The following PRKG1 variants were observed in gnomAD, a reference collection of about 807,000 sequenced individuals.
PRKG1 encodes cGMP-dependent protein kinase 1.
Under a neutral mutation model 88.1 loss-of-function variants are expected in PRKG1, and 35 were observed. The ratio of observed to expected loss-of-function variants is 0.40; its 90% CI spans 0.30 to 0.53. PRKG1 has a LOEUF of 0.53. PRKG1 is among the 20% of genes least tolerant of loss of function. The pLI, the probability that PRKG1 is intolerant of heterozygous loss-of-function variation, is 0.59. For missense variants in PRKG1, 540 were observed against 839.8 expected (o/e 0.64, Z 4.41); for synonymous variants, 303 against 292.5 (o/e 1.04, Z -0.37).
intron 3 of PRKG1, among the ~76,000 whole-genome samples, chr10:51,750,656 C>G (rs1314780753): frequency 3.3e-5 from 5 of 152,118 alleles, no homozygotes; most frequent in Admixed American, 6.5e-5. Flanking sequence ...GTCAAAGGAC[C>G]AGGAAGAAAG....
At chr10:51,209,394 A>G (rs577577612) in intron 2 of PRKG1, among the ~76,000 whole-genome samples, 1 of 152,142 alleles carries the variant, frequency 6.6e-6, no homozygotes, top group African/African-American at 2.4e-5. Flanking sequence ...ATTTGGAATA[A>G]AACATCATGA....
intron 2 of PRKG1, among the ~76,000 whole-genome samples, chr10:51,281,945 A>AT (rs759403174): frequency 6.6e-6 from 1 of 152,130 alleles, no homozygotes; most frequent in Non-Finnish European, 1.5e-5. Flanking sequence ...TGAAATCAGC[A>AT]TTTTTCATAG....
chr10:51,612,599 A>G (rs1001371374), intron 3 of PRKG1, among the ~76,000 whole-genome samples: 1 of 151,962 alleles, frequency 6.6e-6, no homozygotes, highest in African/African-American at 2.4e-5. Flanking sequence ...CTCCTTTCCA[A>G]TGTGAATGCC....
At chr10:51,832,922 T>A (rs1421041738) in intron 4 of PRKG1, among the ~76,000 whole-genome samples, 1 of 152,160 alleles carries the variant, frequency 6.6e-6, no homozygotes, top group African/African-American at 2.4e-5. Context: ...GCTCTAGTTA[T>A]GGAAACTTTT....
At chr10:51,711,495 CCTT>C (rs1241619386) in intron 3 of PRKG1, among the ~76,000 whole-genome samples, 1 of 152,092 alleles carries the variant, frequency 6.6e-6, no homozygotes, top group Non-Finnish European at 1.5e-5. Flanking sequence ...TTTCTGACCT[CCTT>C]CTTTTACTGA....
At chr10:51,152,776 T>C (rs931667679) in intron 1 of PRKG1, among the ~76,000 whole-genome samples, 1 of 151,992 alleles carries the variant, frequency 6.6e-6, no homozygotes, top group Non-Finnish European at 1.5e-5. Flanking sequence ...TAGTATTTGT[T>C]CTGGAATGTT....
chr10:51,284,103 G>T (rs1840371488), intron 2 of PRKG1, among the ~76,000 whole-genome samples: 1 of 152,128 alleles, frequency 6.6e-6, no homozygotes, highest in South Asian at 2.1e-4. Flanking sequence ...TATTTATAAA[G>T]TTTCTATTCC....
At chr10:51,565,446 G>A (rs7342038) in intron 3 of PRKG1, among the ~76,000 whole-genome samples, 140,802 of 152,060 alleles carry the variant, frequency 0.93, 65,276 homozygotes, top group East Asian at 1. Context: ...ACAAAAAAAT[G>A]TAAAGCATAC....
At chr10:51,193,122 A>C (rs1837671640) in intron 2 of PRKG1, among the ~76,000 whole-genome samples, 1 of 152,080 alleles carries the variant, frequency 6.6e-6, no homozygotes. Context: ...ATGGGAGTTG[A>C]CATTGACTAG....
At chr10:51,623,383 G>T (rs1021032566) in intron 3 of PRKG1, among the ~76,000 whole-genome samples, 2 of 152,046 alleles carry the variant, frequency 1.3e-5, no homozygotes, top group African/African-American at 4.8e-5. Context: ...TTAACTATTT[G>T]TAGAGACGGG....
intron 10 of PRKG1, among the ~76,000 whole-genome samples, chr10:52,266,336 A>G (rs991493410): frequency 1.3e-5 from 2 of 151,886 alleles, no homozygotes; most frequent in Admixed American, 6.6e-5. Context: ...GTCAGCATGC[A>G]TTAGTTATTT....
intron 2 of PRKG1, among the ~76,000 whole-genome samples, chr10:51,418,312 A>G (rs1838301461): frequency 6.6e-6 from 1 of 152,196 alleles, no homozygotes; most frequent in Admixed American, 6.6e-5. Context: ...CTTCCCTTCT[A>G]GTCCCTAACT....
At chr10:51,107,658 TA>T (rs1844871772) in intron 1 of PRKG1, among the ~76,000 whole-genome samples, 1 of 151,332 alleles carries the variant, frequency 6.6e-6, no homozygotes, top group South Asian at 2.1e-4. Flanking sequence ...ACCCCATATC[TA>T]CAAAAAACTG....
At chr10:51,970,714 ATATATATATCAGATATATCAGATTATAT>A (rs776253869) in intron 5 of PRKG1, among the ~76,000 whole-genome samples, 11,833 of 144,544 alleles carry the variant, frequency 0.082, 1,632 homozygotes, top group African/African-American at 0.27. Flanking sequence ...ATCATCTGAT[ATATATATATCAGATATATCAGATTATAT>A]ATATATATCA....
At chr10:52,285,682 C>T (rs1842102992) in intron 14 of PRKG1, among the ~76,000 whole-genome samples, 1 of 152,038 alleles carries the variant, frequency 6.6e-6, no homozygotes, top group African/African-American at 2.4e-5. Context: ...TTTAGATAAA[C>T]TCTTATCTAT....
chr10:52,069,806 A>G (rs952655214), intron 7 of PRKG1, among the ~76,000 whole-genome samples: 2 of 151,972 alleles, frequency 1.3e-5, no homozygotes, highest in Admixed American at 1.3e-4. Context: ...TCATATTTGT[A>G]TTTAAAATTT....
intron 2 of PRKG1, among the ~76,000 whole-genome samples, chr10:51,351,939 T>C (rs1444291752): frequency 6.6e-6 from 1 of 152,098 alleles, no homozygotes; most frequent in African/African-American, 2.4e-5. Context: ...AGGAAGGGGG[T>C]CCAGTTTCTG....
chr10:51,043,170 G>T (rs1396630529), intron 1 of PRKG1, among the ~76,000 whole-genome samples: 1 of 152,170 alleles, frequency 6.6e-6, no homozygotes, highest in Admixed American at 6.5e-5. Context: ...GTGACCTTGA[G>T]TGAGGGTACT....
At chr10:52,209,691 C>T (rs1444002645) in intron 9 of PRKG1, among the ~76,000 whole-genome samples, 1 of 152,102 alleles carries the variant, frequency 6.6e-6, no homozygotes, top group Non-Finnish European at 1.5e-5. Context: ...ACCTGCTTCT[C>T]CTCTAATTTT....
Sources: gnomAD v4.1 joint callset for allele counts (sites outside exome capture counted in the v4.1 genomes callset) on GRCh38, gnomAD v4.1.1 for gene constraint, MANE v1.5 for transcripts, NCBI Gene and HGNC (gene_info 2026-07-23, HGNC 2026-07-21) for gene names.